The following DCUN1D1 variants were observed in gnomAD, a reference collection of about 807,000 sequenced individuals.
DCUN1D1 encodes the protein DCN1-like protein 1.
DCUN1D1 carries 3 observed loss-of-function variants against 39.0 expected under a neutral mutation model. That is an observed-to-expected ratio of 0.08 (90% CI 0.04 to 0.20). The LOEUF (loss-of-function observed/expected upper bound fraction) is 0.20, where lower values mean the gene tolerates loss of function less well. Among genes scored for constraint, DCUN1D1 ranks in the 10% least tolerant of loss-of-function variants. DCUN1D1 has a pLI of 1.00. For synonymous variants in DCUN1D1, 82 were observed against 96.3 expected (o/e 0.85, Z 0.87); for missense variants, 158 against 302.4 (o/e 0.52, Z 3.54).
chr3:182,945,089 T>TA lies in DCUN1D1; in HGVS notation c.*4dup. 6.2e-7 allele frequency: 1 copy of TA among 1,611,016 alleles called. No homozygotes were observed. The highest frequency in any genetic ancestry group is 8.5e-7 in the Non-Finnish European group (1 of 1,178,684). ...CTATGTACATTCTAGAAGGTTCCTTTAGTGCTACACTGTTGTACTTTTTGT... is the reference window on the plus strand; with the variant it reads ...CTATGTACATTCTAGAAGGTTCCTTTAAGTGCTACACTGTTGTACTTTTTGT... On this transcript the variant is annotated 3_prime_UTR_variant, in exon 7 of 7. Coordinates refer to ENST00000292782, the MANE Select transcript of DCUN1D1 (RefSeq NM_020640.4).
chr3:182,977,801 C>A (rs144060976), intron 1 of DCUN1D1, among the ~76,000 whole-genome samples: 2 of 151,776 alleles, frequency 1.3e-5, no homozygotes, highest in African/African-American at 4.8e-5. Context: ...GCACCTTGGG[C>A]GGCCGAGGCA....
intron 3 of DCUN1D1, among the ~76,000 whole-genome samples, chr3:182,962,943 G>A (rs2108374302): frequency 6.6e-6 from 1 of 152,184 alleles, no homozygotes; most frequent in Non-Finnish European, 1.5e-5. Context: ...ACTATGCCCA[G>A]CTAATTTTGT....
intron 6 of DCUN1D1, among the ~76,000 whole-genome samples, chr3:182,946,256 G>A (rs940411306): frequency 6.6e-5 from 10 of 152,056 alleles, no homozygotes; most frequent in Non-Finnish European, 1.2e-4. Context: ...GGCGGCTGAA[G>A]TAAGTTTCAA....
In DCUN1D1 at chr3:182,979,600, T is replaced by TTTCCC. The variant is rs58326496; in HGVS notation, c.3+886_3+887insGGGAA. On this transcript the variant is annotated intron_variant, in intron 1 of 6. Transcript: ENST00000292782. The stretch of plus-strand genomic sequence containing the variant: ...GTCTGCAAGCCTGGAGAGGACTTTT[T>TTTCCC]CCCCCCCCCAAACAAAAAAGGAGAG... Among the ~76,000 whole-genome samples, 79 of 137,092 alleles carry TTTCCC rather than the reference T, an allele frequency of 5.8e-4. 1 individual carries two copies. Among genetic ancestry groups the TTTCCC allele is most frequent in the East Asian group, 1.7e-3 (8 of 4,674 alleles). 89.9% of individuals were successfully genotyped at this position (137,092 alleles called of 152,430 possible).
intron 4 of DCUN1D1, among the ~76,000 whole-genome samples, chr3:182,950,630 T>G: frequency 6.6e-6 from 1 of 152,064 alleles, no homozygotes; most frequent in East Asian, 1.9e-4. Context: ...AACCTTGAAA[T>G]AGCACTCAGA....
intron 6 of DCUN1D1, among the ~76,000 whole-genome samples, chr3:182,945,866 T>TGG (rs1241019072): frequency 3.9e-5 from 6 of 152,214 alleles, no homozygotes; most frequent in Admixed American, 1.3e-4. Flanking sequence ...GTGTAAAACC[T>TGG]ACCAGAAGAC....
At chr3:182,960,993 G>A (rs1727352156) in intron 4 of DCUN1D1, among the ~76,000 whole-genome samples, 1 of 152,110 alleles carries the variant, frequency 6.6e-6, no homozygotes, top group African/African-American at 2.4e-5. Flanking sequence ...CTTCTATATT[G>A]ACTGTAGTTT....
At chr3:182,979,352 A>G (rs1156799463) in intron 1 of DCUN1D1, among the ~76,000 whole-genome samples, 2 of 152,190 alleles carry the variant, frequency 1.3e-5, no homozygotes, top group Admixed American at 1.3e-4. Context: ...AAGACACTGG[A>G]GCATTCCCTT....
chr3:182,965,799 A>C, intron 1 of DCUN1D1, 46 bp from the exon 2 acceptor site: 1 of 1,292,198 alleles, frequency 7.7e-7, no homozygotes, highest in Non-Finnish European at 1.1e-6. Flanking sequence ...AAAATCACAT[A>C]AGACTAAATA....
chr3:182,980,604 G>C (rs1425032328), upstream of DCUN1D1: 1 of 1,078,562 alleles, frequency 9.3e-7, no homozygotes. Context: ...CGCAGTGCGG[G>C]GCGGCCCGGC....
intron 6 of DCUN1D1, 140 bp from the exon 7 acceptor site, chr3:182,945,313 T>C: frequency 1.6e-6 from 1 of 632,154 alleles, no homozygotes; most frequent in South Asian, 2.6e-5. Context: ...ACTGATTAAG[T>C]CTTTCAAAAC....
At chr3:182,955,710 A>G (rs1727015408) in intron 4 of DCUN1D1, 1 of 326,776 alleles carries the variant, frequency 3.1e-6, no homozygotes, top group Non-Finnish European at 6.0e-6. Flanking sequence ...CCTCCCGAGT[A>G]GCTGGGATTA....
At chr3:182,975,460 G>A (rs905346116) in intron 1 of DCUN1D1, among the ~76,000 whole-genome samples, 1 of 151,944 alleles carries the variant, frequency 6.6e-6, no homozygotes, top group African/African-American at 2.4e-5. Context: ...ACAGGTGTGA[G>A]CCACCGCGCC....
chr3:182,949,634 T>A (rs1038489452), intron 4 of DCUN1D1, among the ~76,000 whole-genome samples: 2 of 151,838 alleles, frequency 1.3e-5, no homozygotes, highest in African/African-American at 4.8e-5. Flanking sequence ...AGCGGGAGAA[T>A]CCTTTGAGCC....
intron 1 of DCUN1D1, among the ~76,000 whole-genome samples, chr3:182,975,239 C>T (rs1013778626): frequency 2.7e-5 from 4 of 148,590 alleles, no homozygotes; most frequent in Non-Finnish European, 4.4e-5. Context: ...TGCAGTGGTG[C>T]GATCTCGGCT....
At chr3:182,948,054 T>C (rs1726508562) in intron 4 of DCUN1D1, among the ~76,000 whole-genome samples, 3 of 152,098 alleles carry the variant, frequency 2.0e-5, no homozygotes, top group South Asian at 4.1e-4. Flanking sequence ...CTGACCTCCA[T>C]CCACTAGATG....
chr3:182,949,177 A>G (rs1726576321), intron 4 of DCUN1D1, among the ~76,000 whole-genome samples: 1 of 152,056 alleles, frequency 6.6e-6, no homozygotes, highest in Non-Finnish European at 1.5e-5. Context: ...CCTGGCCAAC[A>G]TAGCAAAACC....
upstream of DCUN1D1, among the ~76,000 whole-genome samples, chr3:182,984,052 G>A (rs577893718): frequency 5.9e-5 from 9 of 152,242 alleles, no homozygotes; most frequent in Non-Finnish European, 1.3e-4. Context: ...CAGTGTCAAA[G>A]TGAGTGCCTG....
intron 2 of DCUN1D1, among the ~76,000 whole-genome samples, chr3:182,964,635 CTTTTTTT>C (rs951243180): frequency 9.3e-5 from 10 of 107,478 alleles, no homozygotes; most frequent in South Asian, 5.7e-4. Context: ...TAACACCTTT[CTTTTTTT>C]TTTTTTTTTT....
Sources: allele counts gnomAD v4.1 joint callset (sites outside exome capture counted in the v4.1 genomes callset), GRCh38; gene constraint gnomAD v4.1.1; transcripts MANE v1.5; gene names NCBI Gene and HGNC (gene_info 2026-07-23, HGNC 2026-07-21).